SEMA3A: variants seen among roughly 807,000 people sequenced by gnomAD.
The protein encoded by SEMA3A is semaphorin-3A.
In SEMA3A, 29 loss-of-function variants were observed where a neutral mutation model predicts 97.9. The observed-to-expected ratio is 0.30, with a 90% CI of 0.22 to 0.40. The LOEUF is 0.40. Ranked by LOEUF, SEMA3A falls within the 10% of genes least tolerant of loss-of-function variation. The pLI, the probability that SEMA3A is intolerant of heterozygous loss-of-function variation, is 1.00. For missense variants in SEMA3A, 763 were observed against 951.3 expected (o/e 0.80, Z 2.60); for synonymous variants, 321 against 323.7 (o/e 0.99, Z 0.09).
intron 3 of SEMA3A, among the ~76,000 whole-genome samples, chr7:84,221,303 C>T (rs1178814456): frequency 1.3e-5 from 2 of 152,066 alleles, no homozygotes; most frequent in African/African-American, 4.8e-5. Flanking sequence ...GTTTGATCTT[C>T]CATCCAGACC....
At chr7:84,156,881 T>C (rs77328933) in intron 1 of SEMA3A, among the ~76,000 whole-genome samples, 135 of 152,274 alleles carry the variant, frequency 8.9e-4, no homozygotes, top group East Asian at 6.2e-3. Flanking sequence ...TTTTACAATG[T>C]ATTATTATCA....
intron 10 of SEMA3A, 94 bp from the exon 11 acceptor site, chr7:84,005,652 A>C (rs1790637140): frequency 2.3e-6 from 2 of 869,190 alleles, no homozygotes; most frequent in African/African-American, 3.4e-5. Flanking sequence ...GGTTCTACTT[A>C]AAATAGTAGT....
At chr7:84,085,414 T>G (rs1297556637) in intron 4 of SEMA3A, among the ~76,000 whole-genome samples, 1 of 150,796 alleles carries the variant, frequency 6.6e-6, no homozygotes, top group East Asian at 2.0e-4. Context: ...AAAAAAAAAG[T>G]AAACTAGTGG....
At chr7:84,303,250 A>G (rs2115834007) in intron 3 of SEMA3A, among the ~76,000 whole-genome samples, 1 of 152,204 alleles carries the variant, frequency 6.6e-6, no homozygotes, top group South Asian at 2.1e-4. Flanking sequence ...CAAGGCCGTG[A>G]GGTAAGAGCT....
At chr7:84,060,136 G>A (rs1013550545) in intron 5 of SEMA3A, among the ~76,000 whole-genome samples, 4 of 152,136 alleles carry the variant, frequency 2.6e-5, no homozygotes, top group African/African-American at 9.7e-5. Context: ...CCCTTAGCCT[G>A]TATATGTAAT....
Position 84,443,672 on chromosome 7 carries a change from T to G in SEMA3A, c.-246+48788A>C, listed in dbSNP as rs1180458774. 3.3e-5 allele frequency among the ~76,000 whole-genome samples: 5 copies of G among 152,194 alleles called. No homozygotes were observed. In the South Asian group the frequency reaches 6.2e-4, roughly 19 times the overall value. The stretch of plus-strand genomic sequence containing the variant: ...GACTCTCAGGTGAAGCTTTCATGGT[T>G]GTTTTCCTGCTAAAAACTTTGGCTA... On this transcript the variant is annotated intron_variant, in intron 1 of 3. Coordinates refer to the SEMA3A transcript ENST00000424555.
chr7:84,434,381 G>A (rs903875805), intron 1 of SEMA3A, among the ~76,000 whole-genome samples: 7 of 151,878 alleles, frequency 4.6e-5, no homozygotes, highest in African/African-American at 9.7e-5. Flanking sequence ...AAAATCTACC[G>A]ACCAAAAAAA....
At position 84,404,416 on chromosome 7, in the gene SEMA3A, A is replaced by C. The variant is rs903539477; in HGVS notation, c.-245-32516T>G. Among the ~76,000 whole-genome samples, 9 of 152,174 alleles carry C rather than the reference A, an allele frequency of 5.9e-5. No individual in the cohort carries two copies. In the East Asian group the frequency reaches 1.2e-3, roughly 20 times the overall value. On this transcript the variant is annotated intron_variant, in intron 1 of 3. Coordinates refer to the SEMA3A transcript ENST00000424555. ...ATGTGAAAAGACCAAATCTACGTCT[A>C]ATTGGTGTACCTGAAAGTGACGGGG...
intron 12 of SEMA3A, among the ~76,000 whole-genome samples, chr7:83,992,842 T>C (rs938427994): frequency 6.6e-5 from 10 of 152,114 alleles, no homozygotes; most frequent in African/African-American, 1.4e-4. Flanking sequence ...GTCCGCTTGG[T>C]GCAGAGCTGA....
rs889267630 is a variant in SEMA3A at position 84,343,735 on chromosome 7, T to G, written c.-169+28089A>C. 3.3e-5 allele frequency among the ~76,000 whole-genome samples: 5 copies of G among 152,092 alleles called. No homozygotes were observed. In the South Asian group the frequency reaches 1.0e-3, roughly 31 times the overall value. ...AAAATTGTGACTGGGCACAGGGGCT[T>G]ACTCCTGTAATCTCAGCACCTTGGA... On this transcript the variant is annotated intron_variant, in intron 2 of 3. Transcript: ENST00000424555.
intron 1 of SEMA3A, among the ~76,000 whole-genome samples, chr7:84,418,231 C>T (rs1309266740): frequency 6.6e-6 from 1 of 152,120 alleles, no homozygotes; most frequent in Non-Finnish European, 1.5e-5. Context: ...TTAATTGACA[C>T]ACAGTTCCAC....
chr7:83,992,474 C>G (rs1789997932), intron 12 of SEMA3A, among the ~76,000 whole-genome samples: 1 of 151,402 alleles, frequency 6.6e-6, no homozygotes, highest in Non-Finnish European at 1.5e-5. Context: ...AAATTTCCCT[C>G]TACACACTGC....
chr7:84,406,487 G>C (rs1804092722), intron 1 of SEMA3A, among the ~76,000 whole-genome samples: 1 of 152,124 alleles, frequency 6.6e-6, no homozygotes, highest in South Asian at 2.1e-4. Flanking sequence ...GGAGCTGGTA[G>C]CATTCCTTCT....
At chr7:84,210,735 C>CT (rs911387081) in intron 3 of SEMA3A, among the ~76,000 whole-genome samples, 63 of 146,816 alleles carry the variant, frequency 4.3e-4, no homozygotes, top group Admixed American at 1.7e-3. Flanking sequence ...TTTCTTTTTT[C>CT]TTTTTTTTTT....
At chr7:84,020,099 G>A (rs1316938599) in intron 6 of SEMA3A, among the ~76,000 whole-genome samples, 1 of 120,748 alleles carries the variant, frequency 8.3e-6, no homozygotes, top group African/African-American at 3.2e-5. Context: ...AGGCTGGAGT[G>A]CACTGGCATG....
intron 4 of SEMA3A, among the ~76,000 whole-genome samples, chr7:84,081,013 C>T (rs1017528379): frequency 2.0e-4 from 26 of 127,110 alleles, no homozygotes; most frequent in African/African-American, 6.6e-4. Context: ...GACATAGATT[C>T]CAACATAATT....
chr7:83,980,306 A>C (rs1338491214), intron 14 of SEMA3A, among the ~76,000 whole-genome samples: 1 of 152,030 alleles, frequency 6.6e-6, no homozygotes, highest in East Asian at 1.9e-4. Context: ...TTTAAGAGAT[A>C]TATATGTATA....
intron 1 of SEMA3A, among the ~76,000 whole-genome samples, chr7:84,194,138 A>G (rs187140590): frequency 3.9e-5 from 6 of 152,250 alleles, no homozygotes; most frequent in South Asian, 2.1e-4. Context: ...TTGCATTTCT[A>G]TTTTTAAGAA....
intron 2 of SEMA3A, among the ~76,000 whole-genome samples, chr7:84,326,965 A>G (rs1459187946): frequency 6.6e-6 from 1 of 151,958 alleles, no homozygotes; most frequent in Non-Finnish European, 1.5e-5. Flanking sequence ...GCAAGAATTG[A>G]AAATGGGATC....
Sources: allele counts gnomAD v4.1 joint callset (sites outside exome capture counted in the v4.1 genomes callset), GRCh38; gene constraint gnomAD v4.1.1; transcripts MANE v1.5; gene names NCBI Gene and HGNC (gene_info 2026-07-23, HGNC 2026-07-21).